KANSL1: variants seen among roughly 807,000 people sequenced by gnomAD.
KANSL1 encodes MLL1/MLL complex subunit KANSL1.
A neutral mutation model predicts 103.6 loss-of-function variants in KANSL1; 22 were observed. That is an observed-to-expected ratio of 0.21 (90% CI 0.15 to 0.30). The LOEUF is 0.30. Among genes scored for constraint, KANSL1 ranks in the 10% least tolerant of loss-of-function variants. The pLI, the probability that KANSL1 is intolerant of heterozygous loss-of-function variation, is 1.00. For synonymous variants in KANSL1, 600 were observed against 527.6 expected, an observed-to-expected ratio of 1.14 and a Z score of -1.88; for missense variants, 1,337 against 1,399.8, an observed-to-expected ratio of 0.96 and a Z score of 0.72.
intron 7 of KANSL1, among the ~76,000 whole-genome samples, chr17:46,049,240 CTTTTTTTTTTTTT>C (rs34418861): frequency 4.0e-5 from 3 of 75,770 alleles, no homozygotes; most frequent in African/African-American, 1.6e-4. Context: ...CATCCAAGAC[CTTTTTTTTTTTTT>C]TTTTTTTTTT....
intron 3 of KANSL1, among the ~76,000 whole-genome samples, chr17:46,086,319 A>C (rs1411655304): frequency 6.6e-6 from 1 of 152,202 alleles, no homozygotes; most frequent in African/African-American, 2.4e-5. Context: ...ATTCATCGAC[A>C]TAATTTTATA....
At chr17:46,065,606 T>C (rs1163364335) in intron 6 of KANSL1, among the ~76,000 whole-genome samples, 1 of 152,154 alleles carries the variant, frequency 6.6e-6, no homozygotes, top group East Asian at 1.9e-4. Flanking sequence ...GTCAGGGTGG[T>C]TAACATGCAC....
At chr17:46,131,932 T>C (rs1375441917) in intron 2 of KANSL1, among the ~76,000 whole-genome samples, 1 of 152,058 alleles carries the variant, frequency 6.6e-6, no homozygotes, top group Non-Finnish European at 1.5e-5. Context: ...ATTGAGACCA[T>C]CCTGGACAAC....
chr17:46,188,187 C>T (rs925875757), intron 1 of KANSL1, among the ~76,000 whole-genome samples: 7 of 152,222 alleles, frequency 4.6e-5, no homozygotes, highest in African/African-American at 1.7e-4. Flanking sequence ...CACTTACCTC[C>T]TATATCTTCT....
upstream of KANSL1, chr17:46,225,358 G>A (rs1380163145): frequency 3.9e-5 from 6 of 153,638 alleles, no homozygotes; most frequent in South Asian, 8.2e-4. Context: ...GTTCAACCAA[G>A]CCTAGAAGTG....
chr17:46,180,172 CAGCCTTTAAT>C (rs1159657633), intron 1 of KANSL1, among the ~76,000 whole-genome samples: 1 of 152,220 alleles, frequency 6.6e-6, no homozygotes, highest in East Asian at 1.9e-4. Flanking sequence ...CCTTAACGGA[CAGCCTTTAAT>C]AGCCTTAATT....
At chr17:46,062,354 GC>G (rs2078205638) in intron 6 of KANSL1, among the ~76,000 whole-genome samples, 6 of 109,638 alleles carry the variant, frequency 5.5e-5, no homozygotes, top group African/African-American at 1.8e-4. Flanking sequence ...TATAACAACA[GC>G]TTTTTTTTTT....
At chr17:46,054,349 C>T (rs989115422) in intron 6 of KANSL1, among the ~76,000 whole-genome samples, 2 of 152,148 alleles carry the variant, frequency 1.3e-5, no homozygotes, top group South Asian at 2.1e-4. Context: ...CCATCGCGAC[C>T]GGTCCCAGTC....
At chr17:46,090,493 G>A (rs574707147) in intron 3 of KANSL1, among the ~76,000 whole-genome samples, 1 of 152,314 alleles carries the variant, frequency 6.6e-6, no homozygotes, top group Non-Finnish European at 1.5e-5. Flanking sequence ...GGAACTCTGA[G>A]AAGTAAAAGA....
At chr17:46,167,802 C>T (rs1010620200) in intron 2 of KANSL1, among the ~76,000 whole-genome samples, 10 of 152,334 alleles carry the variant, frequency 6.6e-5, no homozygotes, top group Admixed American at 5.2e-4. Flanking sequence ...CATTCTATAG[C>T]TAGCATGTAC....
chr17:46,128,624 G>A (rs1268270695), intron 2 of KANSL1, among the ~76,000 whole-genome samples: 1 of 152,242 alleles, frequency 6.6e-6, no homozygotes, highest in Non-Finnish European at 1.5e-5. Context: ...ACAGAGCCAA[G>A]CTGACAGGAG....
chr17:46,130,167 A>G (rs1193516365), intron 2 of KANSL1, among the ~76,000 whole-genome samples: 1 of 147,126 alleles, frequency 6.8e-6, no homozygotes, highest in Non-Finnish European at 1.5e-5. Flanking sequence ...TGCCTGGGCA[A>G]AAGAATGAGA....
rs537227054 is a variant in KANSL1, at chr17:46,149,367, G to T, written c.1289+21488C>A. 2.6e-5 allele frequency among the ~76,000 whole-genome samples: 4 copies of T among 152,328 alleles called. No homozygotes were observed. The East Asian group carries it at 7.7e-4, about 29-fold the overall frequency. ...CATTTCATTTGACAGGAAGGCATGG[G>T]TTTATACCCTAACCAGAACAACAAT... On this transcript the variant is annotated intron_variant, in intron 2 of 14. Transcript: ENST00000432791.
chr17:46,151,776 G>A (rs764376675), intron 2 of KANSL1, among the ~76,000 whole-genome samples: 5 of 152,240 alleles, frequency 3.3e-5, no homozygotes, highest in African/African-American at 4.8e-5. Context: ...CTAGCATGTT[G>A]AGGCTACTCC....
At chr17:46,083,872 T>A (rs1487952810) in intron 3 of KANSL1, among the ~76,000 whole-genome samples, 1 of 152,138 alleles carries the variant, frequency 6.6e-6, no homozygotes, top group Admixed American at 6.5e-5. Context: ...CAGACTCTTA[T>A]GAGCCACTAA....
chr17:46,196,507 T>C (rs899584497), upstream of KANSL1: 2 of 449,624 alleles, frequency 4.4e-6, no homozygotes, highest in Non-Finnish European at 8.9e-6. Flanking sequence ...ACTGCTACAG[T>C]CACCTTTGCA....
intron 1 of KANSL1, among the ~76,000 whole-genome samples, chr17:46,183,410 CAG>C (rs2046877433): frequency 6.6e-6 from 1 of 151,466 alleles, no homozygotes; most frequent in Non-Finnish European, 1.5e-5. Flanking sequence ...CACTGAGACC[CAG>C]TCTCTAAAAA....
chr17:46,146,276 C>T (rs1220293474), intron 2 of KANSL1, among the ~76,000 whole-genome samples: 5 of 152,174 alleles, frequency 3.3e-5, no homozygotes, highest in Admixed American at 3.3e-4. Context: ...TCATTTGATC[C>T]TCTTTAAAAA....
intron 2 of KANSL1, among the ~76,000 whole-genome samples, chr17:46,129,155 C>T (rs757987710): frequency 6.6e-6 from 1 of 152,102 alleles, no homozygotes; most frequent in Non-Finnish European, 1.5e-5. Context: ...AAAGCAAGGG[C>T]CATGTTTGTC....
Sources: allele counts gnomAD v4.1 joint callset (sites outside exome capture counted in the v4.1 genomes callset), GRCh38; gene constraint gnomAD v4.1.1; transcripts MANE v1.5; gene names NCBI Gene and HGNC (gene_info 2026-07-23, HGNC 2026-07-21).